BAD: variants seen among roughly 807,000 people sequenced by gnomAD.
BAD encodes bcl2-associated agonist of cell death.
In BAD, 18 loss-of-function variants were observed where a neutral mutation model predicts 17.8. The ratio of observed to expected loss-of-function variants is 1.01; its 90% confidence interval spans 0.70 to 1.50. The LOEUF (loss-of-function observed/expected upper bound fraction) is 1.50. Among genes scored for constraint, BAD ranks in the 40% most tolerant of loss-of-function variants. The pLI, the probability that BAD is intolerant of heterozygous loss-of-function variation, is 0.00. For missense variants in BAD, 294 were observed against 239.3 expected, an observed-to-expected ratio of 1.23 and a Z score of -1.51; for synonymous variants, 112 against 91.5, an observed-to-expected ratio of 1.22 and a Z score of -1.28.
chr11:64,277,909 T>C (rs1363859576), intron 2 of BAD, among the ~76,000 whole-genome samples: 1 of 152,230 alleles, frequency 6.6e-6, no homozygotes, highest in East Asian at 1.9e-4. Flanking sequence ...TGTGTTCCAC[T>C]AACACTTTCT....
Position 64,269,892 on chromosome 11 carries a change from G to A in BAD, c.*317C>T, listed in dbSNP as rs1170652963. On this transcript the variant is annotated 3_prime_UTR_variant, in exon 4 of 4. Transcript: ENST00000309032. ...GAGCACGGCCCCCAGGGCATCGCGGGGGCTCGGGTCCCGGTGACGCAACGG... is the reference window on the plus strand; with the variant it reads ...GAGCACGGCCCCCAGGGCATCGCGGAGGCTCGGGTCCCGGTGACGCAACGG... 3 of 699,376 alleles carry A rather than the reference G, an allele frequency of 4.3e-6. No homozygotes were observed. The highest frequency in any genetic ancestry group is 7.8e-6 in the Non-Finnish European group (3 of 384,900). The allele number at this position is 699,376 out of a possible 1,614,324, so 43.3% of individuals were successfully genotyped here.
Position 64,281,215 on chromosome 11 carries a change from C to T in BAD, c.187+2967G>A, listed in dbSNP as rs2033446881. Among the ~76,000 whole-genome samples, 12 of 152,200 alleles carry T rather than the reference C, an allele frequency of 7.9e-5. No homozygotes were observed. The South Asian group carries it at 2.5e-3, about 32-fold the overall frequency. Reference sequence around the variant, plus strand: ...TCTCCTGACCTCATGATCTGCCCACCTCGAACTACCAAAGTGCTGGGATTA... The same window carrying T: ...TCTCCTGACCTCATGATCTGCCCACTTCGAACTACCAAAGTGCTGGGATTA... On this transcript the variant is annotated intron_variant, in intron 2 of 3. Coordinates refer to ENST00000309032, the MANE Select transcript of BAD (RefSeq NM_032989.3).
intron 2 of BAD, among the ~76,000 whole-genome samples, chr11:64,273,874 A>AAT (rs2032833354): frequency 6.6e-6 from 1 of 150,862 alleles, no homozygotes; most frequent in Non-Finnish European, 1.5e-5. Context: ...AAAAAAAAAA[A>AAT]AAAAAAGAGA....
At position 64,270,407 on chromosome 11, in the gene BAD, G is replaced by A. The variant is rs1313881145; in HGVS notation, c.379-70C>T. 5 of 1,477,224 alleles carry A rather than the reference G, an allele frequency of 3.4e-6. No homozygotes were observed. In the African/African-American group the frequency reaches 4.2e-5, roughly 12 times the overall value. The allele number at this position is 1,477,224 out of a possible 1,614,324, so 91.5% of individuals were successfully genotyped here. On this transcript the variant is annotated intron_variant, in intron 3 of 3. Transcript: ENST00000309032. ...AGCTCGAGCCAGGCTCTCCACTTCC[G>A]TGAGCCTTCCTCTAAGTGAGATCGG... is the stretch of plus-strand genomic sequence containing the variant.
At chr11:64,272,275 C>T (rs1183082167) in intron 2 of BAD, among the ~76,000 whole-genome samples, 1 of 151,536 alleles carries the variant, frequency 6.6e-6, no homozygotes, top group Non-Finnish European at 1.5e-5. Flanking sequence ...GCCGAGATCA[C>T]GCCACTGCAC....
intron 3 of BAD, chr11:64,270,756 C>T (rs1398000728): frequency 2.2e-6 from 1 of 459,228 alleles, no homozygotes; most frequent in Admixed American, 2.4e-5. Context: ...GATCGCACCA[C>T]TGCACTCCAG....
intron 3 of BAD, 149 bp from the exon 4 acceptor site, chr11:64,270,486 G>T: frequency 8.9e-7 from 1 of 1,129,222 alleles, no homozygotes; most frequent in Non-Finnish European, 1.2e-6. Context: ...GGGCGGTCAG[G>T]GACGCTCGCG....
upstream of BAD, chr11:64,284,668 C>T (rs2033740987): frequency 2.6e-6 from 4 of 1,535,014 alleles, no homozygotes; most frequent in Non-Finnish European, 3.5e-6. Context: ...CCGGGCCTGC[C>T]GCCTCCCTCC....
rs2032382203 is a variant in BAD, at chr11:64,269,943, A to G, written c.*266T>C. On this transcript the variant is annotated 3_prime_UTR_variant, in exon 4 of 4. Transcript: ENST00000309032. Reference sequence around the variant, plus strand: ...TTAAACCTGGCTCGCGACTTAGCGCAGGCGCCTGGGGGAAAGCCCGGAGCC... The same window carrying G: ...TTAAACCTGGCTCGCGACTTAGCGCGGGCGCCTGGGGGAAAGCCCGGAGCC... 2 of 720,280 alleles carry G rather than the reference A, an allele frequency of 2.8e-6. No homozygotes were observed. Among genetic ancestry groups the G allele is most frequent in the African/African-American group, 1.8e-5 (1 of 57,058 alleles). The allele number at this position is 720,280 out of a possible 1,614,324, so 44.6% of individuals were successfully genotyped here.
chr11:64,270,560 G>A (rs1037782459), intron 3 of BAD: 2 of 723,938 alleles, frequency 2.8e-6, no homozygotes, highest in South Asian at 3.0e-5. Context: ...CCGGAGACGG[G>A]AAGAGAGGAT....
chr11:64,274,140 C>T (rs1359497631), intron 2 of BAD, among the ~76,000 whole-genome samples: 2 of 152,226 alleles, frequency 1.3e-5, no homozygotes, highest in Non-Finnish European at 2.9e-5. Flanking sequence ...CGCCTTTAAT[C>T]CCAACACTTT....
Position 64,271,513 on chromosome 11 carries a change from G to A in BAD, c.378+100C>T, listed in dbSNP as rs2032603791. On this transcript the variant is annotated intron_variant, in intron 3 of 3. Transcript: ENST00000309032. ...CAGGACGGCTTTGGGGAGGGGTCGT[G>A]GGACTCCAGATCCGGGCGTGCCTTG... The A allele has an allele frequency of 7.3e-6, 9 of 1,230,884 alleles. No individual in the cohort carries two copies. The South Asian group carries it at 1.7e-4, about 23-fold the overall frequency. The allele number at this position is 1,230,884 out of a possible 1,614,324, so 76.2% of individuals were successfully genotyped here. A position where few individuals can be genotyped will look rare whatever the true frequency, so the allele number is the denominator to read the frequency against.
chr11:64,281,013 G>A (rs2033433061), intron 2 of BAD, among the ~76,000 whole-genome samples: 2 of 151,360 alleles, frequency 1.3e-5, no homozygotes, highest in South Asian at 4.2e-4. Flanking sequence ...TGTCACCCAG[G>A]CTGGAGTGCA....
In BAD at chr11:64,284,655, G is replaced by A. The variant is rs937954688; in HGVS notation, c.-33C>T. On this transcript the variant is annotated 5_prime_UTR_variant, in exon 1 of 4. Coordinates refer to ENST00000309032, the MANE Select transcript of BAD (RefSeq NM_032989.3). ...CCCCAAGCCCGATCTCGAGGCCCCT[G>A]ACCCGGGCCTGCCGCCTCCCTCCAG... 12 of 1,533,862 alleles carry A rather than the reference G, an allele frequency of 7.8e-6. No homozygotes were observed. The East Asian group carries it at 2.7e-4, about 34-fold the overall frequency.
chr11:64,277,446 T>C (rs79888913), intron 2 of BAD, among the ~76,000 whole-genome samples: 137 of 152,314 alleles, frequency 9.0e-4, no homozygotes, highest in African/African-American at 3.2e-3. Flanking sequence ...CTTTTTGTTT[T>C]TAAAAAACAG....
At position 64,269,907 on chromosome 11, in the gene BAD, T is replaced by C. The variant is rs1226217506; in HGVS notation, c.*302A>G. ...GGCATCGCGGGGGCTCGGGTCCCGG[T>C]GACGCAACGGTTAAACCTGGCTCGC... On this transcript the variant is annotated 3_prime_UTR_variant, in exon 4 of 4. Coordinates refer to ENST00000309032, the MANE Select transcript of BAD (RefSeq NM_032989.3). The C allele has an allele frequency of 1.4e-6, 1 of 701,748 alleles. No individual in the cohort carries two copies. The highest frequency in any genetic ancestry group is 2.6e-6 in the Non-Finnish European group (1 of 386,950). The allele number at this position is 701,748 out of a possible 1,614,324, so 43.5% of individuals were successfully genotyped here. A position where few individuals can be genotyped will look rare whatever the true frequency, so the allele number is the denominator to read the frequency against.
At chr11:64,279,392 C>G (rs2033278330) in intron 2 of BAD, among the ~76,000 whole-genome samples, 1 of 152,138 alleles carries the variant, frequency 6.6e-6, no homozygotes, top group South Asian at 2.1e-4. Context: ...TGGACTGAGA[C>G]AAGCACAACT....
chr11:64,270,720 A>T, intron 3 of BAD: 1 of 489,822 alleles, frequency 2.0e-6, no homozygotes, highest in Non-Finnish European at 4.0e-6. Context: ...CTTTGAGGCC[A>T]GGAGTTCCAG....
Position 64,271,795 on chromosome 11 carries a change from C to T in BAD, c.196G>A (p.Ala66Thr), listed in dbSNP as rs780468801. Reference protein sequence around the residue: ...TSSSHHGGAGAVEIRSRHSSY... With the variant: ...TSSSHHGGAGTVEIRSRHSSY... ...CTGTGGCGACTCCGGATCTCCACAG[C>T]CCCAGCGCCTGCAGAGGGTCAGTGG... Residue 66 changes from alanine to threonine, a missense_variant, in exon 3 of 4, where the codon GCT (alanine) becomes ACT (threonine). Transcript: ENST00000309032. 1 of 1,404,118 alleles carries T rather than the reference C, an allele frequency of 7.1e-7. No homozygotes were observed. Among genetic ancestry groups the T allele is most frequent in the Non-Finnish European group, 9.3e-7 (1 of 1,077,262 alleles). 87.0% of individuals were successfully genotyped at this position (1,404,118 alleles called of 1,614,324 possible). A position where few individuals can be genotyped will look rare whatever the true frequency, so the allele number is the denominator to read the frequency against.
Sources: gnomAD v4.1 joint callset for allele counts (sites outside exome capture counted in the v4.1 genomes callset) on GRCh38, gnomAD v4.1.1 for gene constraint, MANE v1.5 for transcripts, NCBI Gene and HGNC (gene_info 2026-07-23, HGNC 2026-07-21) for gene names.